The following KDM2A variants were observed in gnomAD, a reference collection of about 807,000 sequenced individuals.
KDM2A encodes the protein lysine-specific demethylase 2A.
A neutral mutation model predicts 137.3 loss-of-function variants in KDM2A; 3 were observed. The ratio of observed to expected loss-of-function variants is 0.02; its 90% CI spans 0.01 to 0.06. The LOEUF (loss-of-function observed/expected upper bound fraction) is 0.06. Among genes scored for constraint, KDM2A ranks in the 10% least tolerant of loss-of-function variants. The pLI is 1.00. For synonymous variants in KDM2A, 512 were observed against 541.5 expected, an observed-to-expected ratio of 0.95 and a Z score of 0.76; for missense variants, 738 against 1,510.6, an observed-to-expected ratio of 0.49 and a Z score of 8.48.
At chr11:67,246,732 A>T (rs1286735659) in intron 15 of KDM2A, among the ~76,000 whole-genome samples, 2 of 152,112 alleles carry the variant, frequency 1.3e-5, no homozygotes, top group Non-Finnish European at 2.9e-5. Flanking sequence ...GTATCAGCTA[A>T]AATCATGACT....
At chr11:67,164,705 C>G (rs1380281051) in intron 2 of KDM2A, among the ~76,000 whole-genome samples, 1 of 151,952 alleles carries the variant, frequency 6.6e-6, no homozygotes. Context: ...ACGGCAACCT[C>G]CACCTCCCAG....
At chr11:67,161,083 C>T (rs1856626138) in intron 2 of KDM2A, among the ~76,000 whole-genome samples, 1 of 152,138 alleles carries the variant, frequency 6.6e-6, no homozygotes, top group Non-Finnish European at 1.5e-5. Flanking sequence ...GACTAGTGGC[C>T]AGGCACAGTA....
chr11:67,141,884 C>CT (rs964399790), intron 2 of KDM2A, among the ~76,000 whole-genome samples: 84 of 151,822 alleles, frequency 5.5e-4, no homozygotes, highest in Admixed American at 9.2e-4. Flanking sequence ...ATGAGATCAG[C>CT]TTTTTAGTTC....
At chr11:67,140,790 A>G (rs1201541488) in intron 2 of KDM2A, among the ~76,000 whole-genome samples, 1 of 152,044 alleles carries the variant, frequency 6.6e-6, no homozygotes, top group Non-Finnish European at 1.5e-5. Flanking sequence ...TGATTTATTT[A>G]TATTAACCTT....
chr11:67,235,256 C>G (rs1454089604), intron 12 of KDM2A, among the ~76,000 whole-genome samples: 1 of 151,062 alleles, frequency 6.6e-6, no homozygotes, highest in African/African-American at 2.4e-5. Context: ...GTAATGTTGA[C>G]TCTTGAAAGT....
intron 5 of KDM2A, among the ~76,000 whole-genome samples, chr11:67,201,888 G>A (rs1171179701): frequency 6.6e-6 from 1 of 150,886 alleles, no homozygotes; most frequent in Non-Finnish European, 1.5e-5. Flanking sequence ...CCAGGAATTC[G>A]AGGTTGCAAT....
chr11:67,144,881 T>C (rs149667397), intron 2 of KDM2A, among the ~76,000 whole-genome samples: 185 of 150,624 alleles, frequency 1.2e-3, no homozygotes, highest in African/African-American at 4.2e-3. Flanking sequence ...TTTTTATTTA[T>C]ATTTTTGAGA....
At chr11:67,226,473 A>G (rs1178427111) in intron 10 of KDM2A, among the ~76,000 whole-genome samples, 1 of 152,202 alleles carries the variant, frequency 6.6e-6, no homozygotes, top group Non-Finnish European at 1.5e-5. Context: ...CTGTAATCCC[A>G]GAACTTTGGG....
At chr11:67,143,020 CTTTTTTTT>C (rs1194089199) in intron 2 of KDM2A, among the ~76,000 whole-genome samples, 3 of 126,442 alleles carry the variant, frequency 2.4e-5, no homozygotes, top group Non-Finnish European at 3.3e-5. Context: ...TATATCTATT[CTTTTTTTT>C]TTTTTTTTTT....
At chr11:67,164,725 A>G (rs140998867) in intron 2 of KDM2A, among the ~76,000 whole-genome samples, 2,639 of 151,336 alleles carry the variant, frequency 0.017, 82 homozygotes, top group African/African-American at 0.06. Flanking sequence ...GGGTCAAGCG[A>G]TTCTTCTGCC....
At chr11:67,249,944 C>T in intron 16 of KDM2A, 142 bp from the exon 17 acceptor site, 1 of 682,238 alleles carries the variant, frequency 1.5e-6, no homozygotes, top group East Asian at 2.8e-5. Flanking sequence ...CCAGCCTGGG[C>T]CGACTCTGAG....
chr11:67,246,481 T>C (rs1239488630), intron 15 of KDM2A, among the ~76,000 whole-genome samples: 1 of 152,144 alleles, frequency 6.6e-6, no homozygotes, highest in African/African-American at 2.4e-5. Flanking sequence ...CCTCTGGATA[T>C]TAGTTCCTAA....
intron 2 of KDM2A, among the ~76,000 whole-genome samples, chr11:67,150,666 C>T (rs1856363812): frequency 2.0e-5 from 3 of 152,106 alleles, no homozygotes; most frequent in Admixed American, 2.0e-4. Context: ...ATATGTCAGA[C>T]ATGATCTCTC....
intron 10 of KDM2A, among the ~76,000 whole-genome samples, chr11:67,221,628 T>G (rs886529245): frequency 1.3e-5 from 2 of 152,202 alleles, no homozygotes; most frequent in African/African-American, 2.4e-5. Context: ...AGCCAGTGCT[T>G]CTTCAACACA....
Position 67,208,861 on chromosome 11 carries a change from T to G in KDM2A, c.486+1173T>G, listed in dbSNP as rs141887217. On this transcript the variant is annotated intron_variant, in intron 6 of 20. Transcript: ENST00000529006. ...TGAGAGGCTAAGACAGGAGAATTGC[T>G]TGAGGCCAGTAGTTCAAGATCAGCC... 1.5e-4 allele frequency among the ~76,000 whole-genome samples: 23 copies of G among 152,076 alleles called. No homozygotes were observed. The East Asian group carries it at 4.4e-3, about 29-fold the overall frequency.
intron 16 of KDM2A, 132 bp downstream of exon 16, chr11:67,248,502 G>T: frequency 1.6e-6 from 1 of 618,100 alleles, no homozygotes; most frequent in Non-Finnish European, 2.8e-6. Flanking sequence ...GTTTGGTTTG[G>T]TATGTTTTTC....
At chr11:67,139,524 C>T (rs919572381) in intron 2 of KDM2A, among the ~76,000 whole-genome samples, 1 of 151,978 alleles carries the variant, frequency 6.6e-6, no homozygotes. Context: ...GGATTACAGG[C>T]GTGAGCCACT....
chr11:67,192,784 TA>T (rs1404288956), intron 5 of KDM2A, among the ~76,000 whole-genome samples: 8 of 151,982 alleles, frequency 5.3e-5, no homozygotes, highest in African/African-American at 1.7e-4. Context: ...AATGAAGGTT[TA>T]TAAATTTCTT....
At chr11:67,160,343 T>C (rs770469521) in intron 2 of KDM2A, among the ~76,000 whole-genome samples, 19 of 152,172 alleles carry the variant, frequency 1.2e-4, no homozygotes, top group Non-Finnish European at 2.4e-4. Flanking sequence ...TAGGAAGAGA[T>C]TATAGCTTGA....
Sources: gnomAD v4.1 joint callset for allele counts (sites outside exome capture counted in the v4.1 genomes callset) on GRCh38, gnomAD v4.1.1 for gene constraint, MANE v1.5 for transcripts, NCBI Gene and HGNC (gene_info 2026-07-23, HGNC 2026-07-21) for gene names.